The following ZNF385B variants were observed in gnomAD, a reference collection of about 807,000 sequenced individuals.
The protein encoded by ZNF385B is zinc finger protein 385B.
In ZNF385B, 23 loss-of-function variants were observed where a neutral mutation model predicts 39.2. The ratio of observed to expected loss-of-function variants is 0.59; its 90% CI spans 0.42 to 0.83. The LOEUF (loss-of-function observed/expected upper bound fraction) is 0.83. ZNF385B is among the 40% of genes least tolerant of loss of function. The pLI is 0.00. For synonymous variants in ZNF385B, 205 were observed against 222.6 expected (o/e 0.92, Z 0.70); for missense variants, 552 against 598.9 (o/e 0.92, Z 0.82).
chr2:179,775,428 A>G (rs900640557), intron 1 of ZNF385B, among the ~76,000 whole-genome samples: 1 of 152,230 alleles, frequency 6.6e-6, no homozygotes, highest in Non-Finnish European at 1.5e-5. Flanking sequence ...AGTCCCCAAA[A>G]TACTTTGAAC....
intron 4 of ZNF385B, among the ~76,000 whole-genome samples, chr2:179,544,228 T>C (rs1377961145): frequency 1.3e-5 from 2 of 152,368 alleles, no homozygotes; most frequent in South Asian, 4.1e-4. Context: ...TCAGTAATTA[T>C]AGGTAATTCA....
chr2:179,837,245 G>A (rs982879144), intron 1 of ZNF385B, among the ~76,000 whole-genome samples: 2 of 152,168 alleles, frequency 1.3e-5, no homozygotes, highest in Non-Finnish European at 2.9e-5. Flanking sequence ...AGTAAACTAT[G>A]TGGAATATAA....
At chr2:179,733,583 C>G (rs1341009640) in intron 3 of ZNF385B, among the ~76,000 whole-genome samples, 1 of 152,106 alleles carries the variant, frequency 6.6e-6, no homozygotes, top group African/African-American at 2.4e-5. Context: ...GAGATTGAGA[C>G]TATCCTGGCT....
At chr2:179,494,665 A>AG (rs962155891) in intron 5 of ZNF385B, among the ~76,000 whole-genome samples, 9 of 152,130 alleles carry the variant, frequency 5.9e-5, no homozygotes, top group Admixed American at 1.3e-4. Context: ...TAAAAAAAAA[A>AG]GCAGAGAAAA....
chr2:179,757,605 T>TCCA (rs1330553195), intron 3 of ZNF385B, among the ~76,000 whole-genome samples: 2 of 152,178 alleles, frequency 1.3e-5, no homozygotes, highest in Non-Finnish European at 1.5e-5. Flanking sequence ...TGCAGCGGGC[T>TCCA]CCACCCAGTT....
At chr2:179,751,965 T>C (rs939383965) in intron 3 of ZNF385B, among the ~76,000 whole-genome samples, 2 of 152,222 alleles carry the variant, frequency 1.3e-5, no homozygotes, top group Non-Finnish European at 2.9e-5. Context: ...CTTTAAGTTC[T>C]AGGGCACATG....
Position 179,510,187 on chromosome 2 carries a change from G to A in ZNF385B, c.552+8341C>T, listed in dbSNP as rs750580006. 9.9e-5 allele frequency among the ~76,000 whole-genome samples: 15 copies of A among 152,156 alleles called. 1 individual carries two copies. Among genetic ancestry groups the A allele is most frequent in the Non-Finnish European group, 1.9e-4 (13 of 68,014 alleles). ...ATTTCAAGAGAAATGCAGTTGATGT[G>A]TATGTGTGGCCTGCAGTGAGTGTGT... On this transcript the variant is annotated intron_variant, in intron 5 of 9. Transcript: ENST00000410066.
intron 1 of ZNF385B, among the ~76,000 whole-genome samples, chr2:179,776,817 A>G (rs1704350193): frequency 6.6e-6 from 1 of 152,190 alleles, no homozygotes; most frequent in South Asian, 2.1e-4. Flanking sequence ...GAATTCTTGC[A>G]GCTAGTAGGG....
intron 1 of ZNF385B, among the ~76,000 whole-genome samples, chr2:179,787,080 T>C (rs962678051): frequency 3.9e-5 from 6 of 152,108 alleles, no homozygotes; most frequent in Admixed American, 1.3e-4. Flanking sequence ...TTTGTTTTTT[T>C]CCCCACTGGA....
At chr2:179,682,593 G>T (rs62175165) in intron 3 of ZNF385B, among the ~76,000 whole-genome samples, 2 of 152,020 alleles carry the variant, frequency 1.3e-5, no homozygotes, top group Admixed American at 1.3e-4. Context: ...TATGGCACAG[G>T]CCTGTGTAAT....
chr2:179,716,507 G>C (rs891858824), intron 3 of ZNF385B, among the ~76,000 whole-genome samples: 1 of 152,130 alleles, frequency 6.6e-6, no homozygotes, highest in African/African-American at 2.4e-5. Context: ...TAAAAATGTT[G>C]CATATAAATT....
intron 5 of ZNF385B, among the ~76,000 whole-genome samples, chr2:179,514,714 C>T (rs1483282747): frequency 6.7e-6 from 1 of 149,126 alleles, no homozygotes; most frequent in Non-Finnish European, 1.5e-5. Context: ...AAAGTGATTA[C>T]AAATAGGGAA....
chr2:179,847,474 C>G (rs1249780201), intron 1 of ZNF385B, among the ~76,000 whole-genome samples: 1 of 152,186 alleles, frequency 6.6e-6, no homozygotes, highest in Non-Finnish European at 1.5e-5. Flanking sequence ...AAGATAAATT[C>G]CCTGCCCGAT....
At chr2:179,829,025 T>C (rs1385240005) in intron 1 of ZNF385B, among the ~76,000 whole-genome samples, 1 of 149,154 alleles carries the variant, frequency 6.7e-6, no homozygotes, top group Non-Finnish European at 1.5e-5. Context: ...ATGGGATGGA[T>C]TAAAAAAAAA....
chr2:179,676,467 G>A (rs1454833957), intron 3 of ZNF385B, among the ~76,000 whole-genome samples: 1 of 151,932 alleles, frequency 6.6e-6, no homozygotes, highest in African/African-American at 2.4e-5. Flanking sequence ...CTCGTAATCT[G>A]CCCACCTTGG....
chr2:179,619,594 G>A (rs1260986512), intron 3 of ZNF385B, among the ~76,000 whole-genome samples: 3 of 152,176 alleles, frequency 2.0e-5, no homozygotes, highest in Non-Finnish European at 4.4e-5. Context: ...ACAGCTTATT[G>A]ATTTATAGCA....
chr2:179,527,282 A>G (rs910592787), intron 4 of ZNF385B, among the ~76,000 whole-genome samples: 5 of 152,246 alleles, frequency 3.3e-5, no homozygotes, highest in African/African-American at 1.2e-4. Flanking sequence ...GCAGCCTATC[A>G]GAGTAGAGTA....
At chr2:179,469,967 G>C (rs1038160098) in intron 6 of ZNF385B, among the ~76,000 whole-genome samples, 2 of 152,214 alleles carry the variant, frequency 1.3e-5, no homozygotes, top group African/African-American at 2.4e-5. Context: ...GGGGAAACTT[G>C]ATGGCTGATG....
intron 3 of ZNF385B, among the ~76,000 whole-genome samples, chr2:179,704,407 T>A (rs1226812760): frequency 6.6e-6 from 1 of 152,328 alleles, no homozygotes; most frequent in East Asian, 1.9e-4. Flanking sequence ...TTCTTTATTA[T>A]ACCTTCTGTG....
Sources: gnomAD v4.1 joint callset for allele counts (sites outside exome capture counted in the v4.1 genomes callset) on GRCh38, gnomAD v4.1.1 for gene constraint, MANE v1.5 for transcripts, NCBI Gene and HGNC (gene_info 2026-07-23, HGNC 2026-07-21) for gene names.